The following CD99 variants were observed in gnomAD, a reference collection of about 807,000 sequenced individuals.
CD99 encodes CD99 antigen.
CD99 carries 19 observed loss-of-function variants against 28.4 expected under a neutral mutation model. The observed-to-expected ratio is 0.67, with a 90% CI of 0.47 to 0.98. The LOEUF is 0.98. CD99 is among the 50% of genes least tolerant of loss of function. The pLI is 0.00. For missense variants in CD99, 283 were observed against 248.8 expected (o/e 1.14, Z -0.92); for synonymous variants, 103 against 92.1 (o/e 1.12, Z -0.67).
At chrX:2,728,081 T>G (rs1174583228) in intron 8 of CD99, among the ~76,000 whole-genome samples, 1 of 152,160 alleles carries the variant, frequency 6.6e-6, no homozygotes, top group Admixed American at 6.5e-5. Context: ...ATCTCAAGAC[T>G]TTAAATGAGC....
chrX:2,719,494 A>G, intron 3 of CD99, 167 bp from the exon 4 acceptor site: 2 of 684,482 alleles, frequency 2.9e-6, no homozygotes, highest in Non-Finnish European at 5.3e-6. Context: ...ATAGTGATGT[A>G]AAAATGGTCA....
At position 2,691,675 on chromosome X, in the gene CD99, T is replaced by C. The variant is rs1335740779; in HGVS notation, c.67+248T>C. On this transcript the variant is annotated intron_variant, in intron 1 of 9. Transcript: ENST00000381192. ...GTTGTCGGAGTTGCAAACTCTTACA[T>C]GTGGGGCGGCCTTGGGAGAGGTGCG... 4 of 703,840 alleles carry C rather than the reference T, an allele frequency of 5.7e-6. No homozygotes were observed. In the Admixed American group the frequency reaches 8.0e-5, roughly 14 times the overall value. 43.6% of individuals were successfully genotyped at this position (703,840 alleles called of 1,614,324 possible). A position where few individuals can be genotyped will look rare whatever the true frequency, so the allele number is the denominator to read the frequency against.
chrX:2,707,384 TCTC>T (rs2048173629), intron 1 of CD99, among the ~76,000 whole-genome samples: 1 of 152,040 alleles, frequency 6.6e-6, no homozygotes, highest in Non-Finnish European at 1.5e-5. Context: ...AGGTACTGGC[TCTC>T]CTCCTGCGTT....
chrX:2,730,297 C>T lies in CD99; in HGVS notation c.475+3924C>T, dbSNP rs778033008. ...AAGCGACTCTCCTGCCTCAGCTTCCCGAGCAGCTGGGACTACAGGCGCGTG... is the reference window on the plus strand; with the variant it reads ...AAGCGACTCTCCTGCCTCAGCTTCCTGAGCAGCTGGGACTACAGGCGCGTG... On this transcript the variant is annotated intron_variant, in intron 8 of 9. Transcript: ENST00000381192. Among the ~76,000 whole-genome samples, 211 of 152,058 alleles carry T rather than the reference C, an allele frequency of 1.4e-3. 2 individuals are homozygous for T. Among genetic ancestry groups the T allele is most frequent in the African/African-American group, 4.3e-3 (179 of 41,510 alleles).
chrX:2,697,565 C>T (rs761027925), intron 1 of CD99, among the ~76,000 whole-genome samples: 13 of 152,082 alleles, frequency 8.5e-5, no homozygotes, highest in Admixed American at 5.2e-4. Context: ...CATTGATCCA[C>T]GAGGGGATGC....
chrX:2,730,372 C>T (rs1454577593), intron 8 of CD99, among the ~76,000 whole-genome samples: 1 of 151,990 alleles, frequency 6.6e-6, no homozygotes, highest in Admixed American at 6.6e-5. Flanking sequence ...CGGAGTTTTG[C>T]CGTGTTAGCC....
At chrX:2,738,004 A>C (rs1440370449) in intron 8 of CD99, 196 bp from the exon 9 acceptor site, 1 of 722,294 alleles carries the variant, frequency 1.4e-6, no homozygotes. Flanking sequence ...CATGCATGAA[A>C]AAATACTGGC....
intron 1 of CD99, among the ~76,000 whole-genome samples, chrX:2,711,247 G>A (rs1434822847): frequency 2.0e-5 from 3 of 146,664 alleles, no homozygotes; most frequent in East Asian, 2.0e-4. Flanking sequence ...ATATATATGT[G>A]TATATATATA....
Position 2,692,025 on chromosome X carries a change from C to A in CD99, c.67+598C>A, listed in dbSNP as rs778194774. 164 of 681,854 alleles carry A rather than the reference C, an allele frequency of 2.4e-4. No individual in the cohort carries two copies. In the African/African-American group the frequency reaches 2.7e-3, roughly 11 times the overall value. 42.2% of individuals were successfully genotyped at this position (681,854 alleles called of 1,614,324 possible). A position where few individuals can be genotyped will look rare whatever the true frequency, so the allele number is the denominator to read the frequency against. On this transcript the variant is annotated intron_variant, in intron 1 of 9. Transcript: ENST00000381192. The stretch of plus-strand genomic sequence containing the variant: ...GTGCTGTGCGCCAAGCAACACGGGG[C>A]GCAGAAAGAAACGTGTGCTTACCAA...
intron 1 of CD99, among the ~76,000 whole-genome samples, chrX:2,698,677 G>C (rs1159896064): frequency 6.6e-6 from 1 of 152,160 alleles, no homozygotes; most frequent in African/African-American, 2.4e-5. Flanking sequence ...CTGTCGCCCA[G>C]GCTGGTGGAC....
In CD99 at chrX:2,709,685, C is replaced by T. The variant is rs746036079; in HGVS notation, c.68-4737C>T. Among the ~76,000 whole-genome samples, 131 of 152,340 alleles carry T rather than the reference C, an allele frequency of 8.6e-4. 1 individual carries two copies. The highest frequency in any genetic ancestry group is 2.4e-3 in the African/African-American group (101 of 41,576). On this transcript the variant is annotated intron_variant, in intron 1 of 9. Coordinates refer to ENST00000381192, the MANE Select transcript of CD99 (RefSeq NM_002414.5). ...ATGTACACATGAGCACATCCACACGCGCACATGCATGAACATAGACACACA... is the reference window on the plus strand; with the variant it reads ...ATGTACACATGAGCACATCCACACGTGCACATGCATGAACATAGACACACA...
At chrX:2,738,067 G>A (rs756106202) in intron 8 of CD99, 133 bp from the exon 9 acceptor site, 2 of 823,882 alleles carry the variant, frequency 2.4e-6, no homozygotes, top group Admixed American at 3.5e-5. Context: ...GGGTCTCGGG[G>A]TTCAGAACTG....
chrX:2,738,952 A>T (rs2050076366), intron 9 of CD99, among the ~76,000 whole-genome samples: 1 of 151,724 alleles, frequency 6.6e-6, no homozygotes, highest in Non-Finnish European at 1.5e-5. Context: ...GGCTCAAGGG[A>T]TCCTCCCACC....
intron 1 of CD99, among the ~76,000 whole-genome samples, chrX:2,704,203 G>T (rs1345752449): frequency 6.6e-6 from 1 of 152,150 alleles, no homozygotes; most frequent in East Asian, 1.9e-4. Flanking sequence ...GTAAAACTTG[G>T]CGTAGCTCAG....
intron 8 of CD99, chrX:2,733,213 C>G (rs2049761989): frequency 2.4e-6 from 2 of 839,092 alleles, no homozygotes; most frequent in Non-Finnish European, 3.9e-6. Context: ...CACTTTGAGC[C>G]TCTATCCCAT....
chrX:2,710,537 CT>C (rs1214929948), intron 1 of CD99, among the ~76,000 whole-genome samples: 1 of 150,196 alleles, frequency 6.7e-6, no homozygotes, highest in Non-Finnish European at 1.5e-5. Flanking sequence ...ATTGCTGCTG[CT>C]TTTTTTTCTT....
intron 1 of CD99, among the ~76,000 whole-genome samples, chrX:2,703,379 C>T (rs2047960121): frequency 6.6e-6 from 1 of 152,044 alleles, no homozygotes; most frequent in African/African-American, 2.4e-5. Context: ...CTGTTGGCTT[C>T]GAGATCAATG....
chrX:2,725,098 T>TA (rs748563247), intron 7 of CD99, among the ~76,000 whole-genome samples: 3,733 of 102,910 alleles, frequency 0.036, 77 homozygotes, highest in East Asian at 0.16. Flanking sequence ...TGGAATAACA[T>TA]AAAAAAAAAA....
chrX:2,713,858 G>C (rs890567060), intron 1 of CD99, among the ~76,000 whole-genome samples: 1 of 152,188 alleles, frequency 6.6e-6, no homozygotes, highest in Non-Finnish European at 1.5e-5. Flanking sequence ...CGCCAGAGAT[G>C]GCCAGCCACG....
Sources: allele counts gnomAD v4.1 joint callset (sites outside exome capture counted in the v4.1 genomes callset), GRCh38; gene constraint gnomAD v4.1.1; transcripts MANE v1.5; gene names NCBI Gene and HGNC (gene_info 2026-07-23, HGNC 2026-07-21).